Variants in RIMS2 observed in about 807,000 individuals in gnomAD.
RIMS2 encodes regulating synaptic membrane exocytosis protein 2.
RIMS2 carries 59 observed loss-of-function variants against 174.4 expected under a neutral mutation model. That is an observed-to-expected ratio of 0.34 (90% CI 0.27 to 0.42). RIMS2 has a LOEUF of 0.42. RIMS2 is among the 10% of genes least tolerant of loss of function. The pLI is 1.00. For synonymous variants in RIMS2, 606 were observed against 572.5 expected (o/e 1.06, Z -0.84); for missense variants, 1,620 against 1,666.3 (o/e 0.97, Z 0.48).
chr8:104,052,817 T>C (rs749922213), intron 19 of RIMS2, among the ~76,000 whole-genome samples: 21 of 151,926 alleles, frequency 1.4e-4, no homozygotes, highest in Non-Finnish European at 2.2e-4. Context: ...TGATGGGACA[T>C]TGAAGATATG....
intron 2 of RIMS2, among the ~76,000 whole-genome samples, chr8:103,697,557 A>AC (rs1164329994): frequency 1.3e-5 from 2 of 151,080 alleles, no homozygotes; most frequent in South Asian, 2.1e-4. Flanking sequence ...AAAAAAAAAA[A>AC]AACAAAAAAA....
chr8:103,846,162 T>G (rs2098966920), intron 3 of RIMS2, among the ~76,000 whole-genome samples: 2 of 152,150 alleles, frequency 1.3e-5, no homozygotes, highest in Non-Finnish European at 2.9e-5. Context: ...TGATATTTAA[T>G]GAATATTAAT....
chr8:103,632,841 C>T (rs1280073232), intron 1 of RIMS2, among the ~76,000 whole-genome samples: 3 of 140,434 alleles, frequency 2.1e-5, no homozygotes, highest in Non-Finnish European at 4.5e-5. Flanking sequence ...TCACGCCATT[C>T]TCCTGCCTCA....
intron 3 of RIMS2, chr8:103,768,701 T>G: frequency 1.3e-6 from 1 of 771,506 alleles, no homozygotes; most frequent in Non-Finnish European, 2.4e-6. Flanking sequence ...GCTAGCAGAA[T>G]CCACAAACTT....
chr8:103,563,233 C>G lies in RIMS2; in HGVS notation c.176+62171C>G, dbSNP rs137933820. On this transcript the variant is annotated intron_variant, in intron 1 of 23. Coordinates refer to ENST00000504942, the Ensembl canonical transcript of RIMS2. ...GGGATTTTCTTTTCTATCACATTAT[C>G]AGGCTGCAAATTTTCCACACTTTTA... Among the ~76,000 whole-genome samples the G allele has an allele frequency of 2.4e-4, 36 of 152,292 alleles. 2 individuals are homozygous for G. The East Asian group carries it at 6.9e-3, about 29-fold the overall frequency.
chr8:103,886,930 T>C (rs1293826365), intron 4 of RIMS2, among the ~76,000 whole-genome samples: 1 of 151,842 alleles, frequency 6.6e-6, no homozygotes, highest in Non-Finnish European at 1.5e-5. Context: ...ATTATAATGG[T>C]TATCTTTATA....
At chr8:103,651,961 G>A (rs537354081) in intron 1 of RIMS2, among the ~76,000 whole-genome samples, 1 of 151,820 alleles carries the variant, frequency 6.6e-6, no homozygotes, top group Non-Finnish European at 1.5e-5. Context: ...AAAACTTCAG[G>A]ACCAAATCAT....
chr8:104,191,197 G>A (rs1236597812), intron 19 of RIMS2, among the ~76,000 whole-genome samples: 1 of 151,920 alleles, frequency 6.6e-6, no homozygotes, highest in African/African-American at 2.4e-5. Context: ...TATTTATGGT[G>A]GGTTTCTCAG....
intron 19 of RIMS2, among the ~76,000 whole-genome samples, chr8:104,138,354 T>A (rs979707272): frequency 2.0e-5 from 3 of 152,192 alleles, no homozygotes; most frequent in Non-Finnish European, 4.4e-5. Context: ...ACCTCCAAAC[T>A]TGTCTTCATA....
chr8:104,043,934 C>T (rs1333815515), intron 19 of RIMS2, among the ~76,000 whole-genome samples: 2 of 151,498 alleles, frequency 1.3e-5, no homozygotes, highest in Non-Finnish European at 3.0e-5. Flanking sequence ...ATGCTATGAA[C>T]ATAAAAGGCA....
chr8:103,670,918 A>T (rs566407660), intron 1 of RIMS2, among the ~76,000 whole-genome samples: 3 of 152,270 alleles, frequency 2.0e-5, no homozygotes, highest in African/African-American at 7.2e-5. Context: ...CCTTTACAGT[A>T]GCACCCCACT....
intron 19 of RIMS2, among the ~76,000 whole-genome samples, chr8:104,190,174 T>A (rs569575071): frequency 6.6e-6 from 1 of 152,130 alleles, no homozygotes; most frequent in East Asian, 1.9e-4. Context: ...TGGTGGTACA[T>A]GGCTGTAGAC....
At position 103,859,225 on chromosome 8, in the gene RIMS2, G is replaced by C. The variant is rs546713638; in HGVS notation, c.699-26073G>C. 2.6e-5 allele frequency among the ~76,000 whole-genome samples: 4 copies of C among 152,200 alleles called. No individual in the cohort carries two copies. In the South Asian group the frequency reaches 8.3e-4, roughly 32 times the overall value. On this transcript the variant is annotated intron_variant, in intron 3 of 23. Coordinates refer to ENST00000504942, the Ensembl canonical transcript of RIMS2. Reference sequence around the variant, plus strand: ...GGAAAGAAACTGACAATTACCTTCAGCTCTTAAACCCACTGGAACCTTCAC... The same window carrying C: ...GGAAAGAAACTGACAATTACCTTCACCTCTTAAACCCACTGGAACCTTCAC...
chr8:103,682,567 A>G (rs2096893037), intron 1 of RIMS2, among the ~76,000 whole-genome samples: 1 of 152,090 alleles, frequency 6.6e-6, no homozygotes, highest in South Asian at 2.1e-4. Flanking sequence ...TGGCATGAGG[A>G]AGCAGAGAAT....
intron 3 of RIMS2, among the ~76,000 whole-genome samples, chr8:103,878,366 T>A (rs1365403675): frequency 2.0e-5 from 3 of 151,884 alleles, no homozygotes; most frequent in African/African-American, 7.2e-5. Flanking sequence ...GTGTGGTGAA[T>A]CACATGTATT....
intron 16 of RIMS2, among the ~76,000 whole-genome samples, chr8:103,979,669 G>A (rs2093727349): frequency 6.6e-6 from 1 of 152,202 alleles, no homozygotes; most frequent in Non-Finnish European, 1.5e-5. Context: ...TCATATGATT[G>A]GAAGTGACAT....
intron 1 of RIMS2, among the ~76,000 whole-genome samples, chr8:103,671,449 A>G (rs904728044): frequency 3.3e-5 from 5 of 152,220 alleles, no homozygotes; most frequent in Non-Finnish European, 7.3e-5. Flanking sequence ...TAGCAGTTTT[A>G]TAAATCAGTT....
chr8:103,820,731 G>C (rs1247883154), intron 3 of RIMS2, among the ~76,000 whole-genome samples: 1 of 151,566 alleles, frequency 6.6e-6, no homozygotes, highest in Non-Finnish European at 1.5e-5. Context: ...CCTCAATCCA[G>C]TTCTGTTCAA....
At chr8:104,139,355 G>C (rs1168143199) in intron 19 of RIMS2, among the ~76,000 whole-genome samples, 1 of 152,122 alleles carries the variant, frequency 6.6e-6, no homozygotes, top group East Asian at 1.9e-4. Flanking sequence ...GCTTTGGGTA[G>C]TATGGACATT....
Sources: gnomAD v4.1 joint callset for allele counts (sites outside exome capture counted in the v4.1 genomes callset) on GRCh38, gnomAD v4.1.1 for gene constraint, MANE v1.5 for transcripts, NCBI Gene and HGNC (gene_info 2026-07-23, HGNC 2026-07-21) for gene names.